GADL1: variants seen among roughly 807,000 people sequenced by gnomAD.
GADL1 encodes GAD like acidic amino acid decarboxylase 1, also known as acidic amino acid decarboxylase GADL1.
GADL1 carries 71 observed loss-of-function variants against 69.5 expected under a neutral mutation model. The ratio of observed to expected loss-of-function variants is 1.02; its 90% CI spans 0.84 to 1.25. The LOEUF is 1.25. Among genes scored for constraint, GADL1 ranks in the 50% most tolerant of loss-of-function variants. GADL1 has a pLI of 0.00. For synonymous variants in GADL1, 254 were observed against 214.4 expected (o/e 1.18, Z -1.62); for missense variants, 737 against 631.8 (o/e 1.17, Z -1.79).
chr3:30,875,071 C>T (rs566805146), intron 1 of GADL1, among the ~76,000 whole-genome samples: 80 of 151,842 alleles, frequency 5.3e-4, no homozygotes, highest in African/African-American at 1.9e-3. Context: ...TTGTCTTCCT[C>T]ATAAAGTAAT....
At chr3:30,792,600 T>C (rs1182514224) in intron 12 of GADL1, among the ~76,000 whole-genome samples, 1 of 152,088 alleles carries the variant, frequency 6.6e-6, no homozygotes, top group Non-Finnish European at 1.5e-5. Context: ...CTTGCCTTAA[T>C]TCATAAGGCC....
intron 14 of GADL1, among the ~76,000 whole-genome samples, chr3:30,754,881 T>C (rs1176417692): frequency 6.7e-6 from 1 of 149,812 alleles, no homozygotes; most frequent in Non-Finnish European, 1.5e-5. Flanking sequence ...GAAAGTCTCA[T>C]GTGCTTGGGT....
At chr3:30,813,711 T>C (rs1483694154) in intron 11 of GADL1, among the ~76,000 whole-genome samples, 2 of 152,244 alleles carry the variant, frequency 1.3e-5, no homozygotes, top group African/African-American at 4.8e-5. Context: ...ATGCAAGTTC[T>C]GAAACACGAG....
At chr3:30,791,037 G>A (rs796719422) in intron 12 of GADL1, among the ~76,000 whole-genome samples, 10 of 151,708 alleles carry the variant, frequency 6.6e-5, no homozygotes, top group African/African-American at 2.4e-4. Context: ...TATATACAAA[G>A]TATGGAAGGA....
At chr3:30,797,132 G>A (rs1297156570) in intron 12 of GADL1, among the ~76,000 whole-genome samples, 1 of 152,132 alleles carries the variant, frequency 6.6e-6, no homozygotes, top group African/African-American at 2.4e-5. Context: ...TGCCTTCTTG[G>A]CCTTCTGTCA....
intron 14 of GADL1, among the ~76,000 whole-genome samples, chr3:30,761,152 T>C (rs986910278): frequency 6.6e-6 from 1 of 152,238 alleles, no homozygotes; most frequent in Non-Finnish European, 1.5e-5. Context: ...TATTGTATGC[T>C]TTATTTACTT....
chr3:30,785,758 A>G (rs758806553), intron 13 of GADL1, among the ~76,000 whole-genome samples: 2 of 152,214 alleles, frequency 1.3e-5, no homozygotes, highest in South Asian at 4.1e-4. Context: ...GCTATAATAC[A>G]TATACTATAA....
At chr3:30,842,309 CTATT>C (rs948005184) in intron 8 of GADL1, among the ~76,000 whole-genome samples, 1 of 151,826 alleles carries the variant, frequency 6.6e-6, no homozygotes, top group African/African-American at 2.4e-5. Flanking sequence ...ATATACTCAA[CTATT>C]TATAGATCAA....
At chr3:30,768,589 G>T (rs1249949841) in intron 14 of GADL1, among the ~76,000 whole-genome samples, 13 of 151,934 alleles carry the variant, frequency 8.6e-5, no homozygotes, top group Non-Finnish European at 1.5e-5. Flanking sequence ...GAGAGGCGGA[G>T]AAGGAAGAGT....
intron 11 of GADL1, among the ~76,000 whole-genome samples, chr3:30,802,718 A>G (rs1575212671): frequency 6.6e-6 from 1 of 152,222 alleles, no homozygotes; most frequent in African/African-American, 2.4e-5. Flanking sequence ...ACAAAAAAGT[A>G]TGATTTTATA....
chr3:30,864,016 T>C (rs1399618845), intron 1 of GADL1, among the ~76,000 whole-genome samples: 2 of 152,030 alleles, frequency 1.3e-5, no homozygotes, highest in Non-Finnish European at 2.9e-5. Context: ...CAATGAAGAA[T>C]GTTAGTTCCA....
At chr3:30,736,763 A>AT (rs1695547089) in intron 14 of GADL1, among the ~76,000 whole-genome samples, 5 of 152,108 alleles carry the variant, frequency 3.3e-5, no homozygotes, top group African/African-American at 9.7e-5. Flanking sequence ...GTCAACTTAC[A>AT]TTTTTCCTTT....
intron 14 of GADL1, among the ~76,000 whole-genome samples, chr3:30,773,434 G>A (rs1254871682): frequency 6.6e-6 from 1 of 151,974 alleles, no homozygotes; most frequent in Non-Finnish European, 1.5e-5. Flanking sequence ...ATACATTATA[G>A]AAAATTTTCA....
chr3:30,749,247 C>T (rs778674144), intron 14 of GADL1, among the ~76,000 whole-genome samples: 24 of 148,006 alleles, frequency 1.6e-4, no homozygotes, highest in Non-Finnish European at 3.5e-4. Flanking sequence ...TATTGCTCAG[C>T]ATGTTAAATT....
At chr3:30,771,014 TAC>T (rs1341601514) in intron 14 of GADL1, among the ~76,000 whole-genome samples, 2 of 152,180 alleles carry the variant, frequency 1.3e-5, no homozygotes, top group African/African-American at 4.8e-5. Flanking sequence ...TGCTATTAAA[TAC>T]AAAGGAAAAC....
chr3:30,867,423 CATATAT>C (rs148660336), intron 1 of GADL1, among the ~76,000 whole-genome samples: 4 of 115,056 alleles, frequency 3.5e-5, no homozygotes, highest in Non-Finnish European at 8.0e-5. Flanking sequence ...TACAATACTA[CATATAT>C]ATATATATAT....
At chr3:30,842,237 TA>T (rs1385570562) in intron 8 of GADL1, among the ~76,000 whole-genome samples, 1 of 152,202 alleles carries the variant, frequency 6.6e-6, no homozygotes, top group Non-Finnish European at 1.5e-5. Context: ...GATTTGATAT[TA>T]AAAATTATAT....
chr3:30,735,751 CT>C (rs1695533244), intron 14 of GADL1, among the ~76,000 whole-genome samples: 1 of 152,114 alleles, frequency 6.6e-6, no homozygotes, highest in South Asian at 2.1e-4. Context: ...GAAGCTGGGC[CT>C]TTGCACTCTT....
At position 30,844,161 on chromosome 3, in the gene GADL1, GC is replaced by G. The variant is rs201973599; in HGVS notation, c.786+48del. 16,052 of 1,457,536 alleles carry G rather than the reference GC, an allele frequency of 0.011. 1,270 individuals are homozygous for G. In the East Asian group the frequency reaches 0.22, roughly 20 times the overall value. The allele number at this position is 1,457,536 out of a possible 1,614,324, so 90.3% of individuals were successfully genotyped here. ...CTCTCTTTCATAAGCGCGCGGGCGT[GC>G]GCGCACACACACACGTTCTCTCTCC... On this transcript the variant is annotated intron_variant, in intron 8 of 14. Coordinates refer to ENST00000282538, the MANE Select transcript of GADL1 (RefSeq NM_207359.3).
Sources: allele counts gnomAD v4.1 joint callset (sites outside exome capture counted in the v4.1 genomes callset), GRCh38; gene constraint gnomAD v4.1.1; transcripts MANE v1.5; gene names NCBI Gene and HGNC (gene_info 2026-07-23, HGNC 2026-07-21).